The following SEPHS1 variants were observed in gnomAD, a reference collection of about 807,000 sequenced individuals.
SEPHS1 encodes the protein zincore component SEPHS1.
A neutral mutation model predicts 39.2 loss-of-function variants in SEPHS1; 7 were observed. The ratio of observed to expected loss-of-function variants is 0.18; its 90% CI spans 0.10 to 0.34. SEPHS1 has a LOEUF of 0.34. SEPHS1 is among the 10% of genes least tolerant of loss of function. SEPHS1 has a pLI of 1.00. For synonymous variants in SEPHS1, 190 were observed against 195.5 expected (o/e 0.97, Z 0.23); for missense variants, 253 against 514.5 (o/e 0.49, Z 4.92).
At position 13,334,700 on chromosome 10, in the gene SEPHS1, G is replaced by A. The variant is rs541608385; in HGVS notation, c.406-729C>T. ...TGCACTCCAACCTGGGCAACACAGG[G>A]AGATCTTGTCTCAAAAACAAACAAA... On this transcript the variant is annotated intron_variant, in intron 4 of 8. Coordinates refer to ENST00000327347, the MANE Select transcript of SEPHS1 (RefSeq NM_012247.5). Among the ~76,000 whole-genome samples, 17 of 152,306 alleles carry A rather than the reference G, an allele frequency of 1.1e-4. No individual in the cohort carries two copies. The South Asian group carries it at 1.2e-3, about 11-fold the overall frequency.
At chr10:13,322,763 G>A in intron 8 of SEPHS1, 72 bp downstream of exon 8, 1 of 1,432,976 alleles carries the variant, frequency 7.0e-7, no homozygotes, top group Non-Finnish European at 9.6e-7. Flanking sequence ...CTCGGGGTGG[G>A]GCTGCTGCTT....
Position 13,348,186 on chromosome 10 carries a change from C to T in SEPHS1, c.-265G>A, listed in dbSNP as rs1833996979. ...GGGGGCTCGCCTGCCTCGGCGCGGC[C>T]CTGCGGGAGCCGGGCCGCCGCGCTC... On this transcript the variant is annotated 5_prime_UTR_variant, in exon 1 of 9. Transcript: ENST00000327347. 1 of 144,662 alleles carries T rather than the reference C, an allele frequency of 6.9e-6. No individual in the cohort carries two copies. Among genetic ancestry groups the T allele is most frequent in the African/African-American group, 2.5e-5 (1 of 40,338 alleles). 9.0% of individuals were successfully genotyped at this position (144,662 alleles called of 1,614,324 possible).
At chr10:13,334,895 A>G (rs566649446) in intron 4 of SEPHS1, among the ~76,000 whole-genome samples, 1 of 152,274 alleles carries the variant, frequency 6.6e-6, no homozygotes, top group East Asian at 1.9e-4. Flanking sequence ...GCTCCTTGAG[A>G]ATCTCAAGAC....
At chr10:13,320,859 G>A (rs1833090147) in intron 8 of SEPHS1, among the ~76,000 whole-genome samples, 1 of 152,108 alleles carries the variant, frequency 6.6e-6, no homozygotes, top group Admixed American at 6.6e-5. Context: ...TCTGAAGAAA[G>A]GAAACAAATT....
intron 8 of SEPHS1, among the ~76,000 whole-genome samples, chr10:13,320,370 AC>A (rs1833071419): frequency 6.6e-6 from 1 of 151,808 alleles, no homozygotes; most frequent in Non-Finnish European, 1.5e-5. Flanking sequence ...TTTAGTAGAG[AC>A]AGGGTTTCAC....
chr10:13,340,243 TGAA>T, intron 2 of SEPHS1, among the ~76,000 whole-genome samples: 1 of 152,044 alleles, frequency 6.6e-6, no homozygotes, highest in Non-Finnish European at 1.5e-5. Context: ...CCATAGTCTG[TGAA>T]GACAGGCTGA....
intron 7 of SEPHS1, among the ~76,000 whole-genome samples, chr10:13,326,392 T>C (rs755794353): frequency 7.3e-5 from 11 of 151,486 alleles, no homozygotes; most frequent in Non-Finnish European, 1.5e-4. Context: ...AAGAATCACT[T>C]GAAGTCGGAA....
At position 13,338,753 on chromosome 10, in the gene SEPHS1, A is replaced by T; in HGVS notation, c.249T>A (p.Val83=). The change falls in exon 3 of 9, where the codon GTT becomes GTA. Residue 83 remains valine, a synonymous_variant. Transcript: ENST00000327347. ...TCGGGTAAATGTAATCTGTGGTTTG[A>T]ACCAAGGAAAGCCCACCGTGCCTCA... ...IPLRHGGLSL[V]QTTDYIYPIV... 1 of 1,614,208 alleles carries T rather than the reference A, an allele frequency of 6.2e-7. No individual in the cohort carries two copies. The highest frequency in any genetic ancestry group is 8.5e-7 in the Non-Finnish European group (1 of 1,180,026).
intron 5 of SEPHS1, among the ~76,000 whole-genome samples, chr10:13,330,277 T>C (rs920766359): frequency 5.3e-4 from 80 of 152,106 alleles, no homozygotes; most frequent in African/African-American, 1.9e-3. Context: ...ATCACTGATA[T>C]GCTAGAGACT....
At chr10:13,329,166 G>C (rs944269569) in intron 6 of SEPHS1, among the ~76,000 whole-genome samples, 1 of 152,078 alleles carries the variant, frequency 6.6e-6, no homozygotes, top group Non-Finnish European at 1.5e-5. Context: ...TAGCTCACTG[G>C]AAAAATGACT....
chr10:13,325,514 A>T (rs1833239467), intron 7 of SEPHS1, among the ~76,000 whole-genome samples: 1 of 152,208 alleles, frequency 6.6e-6, no homozygotes, highest in Non-Finnish European at 1.5e-5. Flanking sequence ...TGCCTCATGA[A>T]GAACCTAGGT....
intron 5 of SEPHS1, 40 bp downstream of exon 5, chr10:13,333,777 G>C: frequency 6.2e-7 from 1 of 1,601,960 alleles, no homozygotes; most frequent in Non-Finnish European, 8.5e-7. Flanking sequence ...GACAGAGAGA[G>C]AAAAACAGGT....
chr10:13,320,524 T>C (rs1429980598), intron 8 of SEPHS1, among the ~76,000 whole-genome samples: 2 of 151,490 alleles, frequency 1.3e-5, no homozygotes, highest in African/African-American at 2.4e-5. Flanking sequence ...GAGGAAAAAC[T>C]GTAGTCTACT....
Position 13,338,939 on chromosome 10 carries a change from T to C in SEPHS1, c.194-131A>G, listed in dbSNP as rs1344520527. 4.2e-6 allele frequency: 3 copies of C among 705,914 alleles called. No individual in the cohort carries two copies. The Admixed American group carries it at 6.7e-5, about 16-fold the overall frequency. 43.7% of individuals were successfully genotyped at this position (705,914 alleles called of 1,614,324 possible). A position where few individuals can be genotyped will look rare whatever the true frequency, so the allele number is the denominator to read the frequency against. Reference sequence around the variant, plus strand: ...ACTGCAGGCTGCCAATGAAGCCATGTGTTTCCTATCAAGAAGCGTAACTGA... The same window carrying C: ...ACTGCAGGCTGCCAATGAAGCCATGCGTTTCCTATCAAGAAGCGTAACTGA... On this transcript the variant is annotated intron_variant, in intron 2 of 8. Transcript: ENST00000327347.
At chr10:13,329,376 A>C (rs1014281746) in intron 6 of SEPHS1, among the ~76,000 whole-genome samples, 2 of 152,178 alleles carry the variant, frequency 1.3e-5, no homozygotes, top group Admixed American at 1.3e-4. Flanking sequence ...ATTCTCCTTC[A>C]TATTATTTCT....
Position 13,346,857 on chromosome 10 carries a change from C to T in SEPHS1, c.-79+1143G>A, listed in dbSNP as rs1564456015. On this transcript the variant is annotated intron_variant, in intron 1 of 8. Coordinates refer to ENST00000327347, the MANE Select transcript of SEPHS1 (RefSeq NM_012247.5). ...TCACTTCCTTTTAAATTACTATCTT[C>T]TCAAGAGTTTTAAGGGTGGAAAAAA... Among the ~76,000 whole-genome samples, 4 of 152,262 alleles carry T rather than the reference C, an allele frequency of 2.6e-5. No individual in the cohort carries two copies. The South Asian group carries it at 8.3e-4, about 32-fold the overall frequency.
intron 7 of SEPHS1, among the ~76,000 whole-genome samples, chr10:13,325,813 G>A (rs764220140): frequency 2.8e-5 from 4 of 145,204 alleles, no homozygotes; most frequent in African/African-American, 5.0e-5. Context: ...CAGGAGAATC[G>A]CTTGAACCTG....
intron 5 of SEPHS1, among the ~76,000 whole-genome samples, chr10:13,331,084 G>A (rs368593870): frequency 9.2e-5 from 14 of 152,122 alleles, no homozygotes; most frequent in Non-Finnish European, 1.8e-4. Flanking sequence ...AACATGCGGC[G>A]TTTGGTTTTC....
chr10:13,345,387 T>A (rs541448736), intron 1 of SEPHS1: 1 of 156,332 alleles, frequency 6.4e-6, no homozygotes, highest in Admixed American at 6.5e-5. Context: ...CTGGAAGCAC[T>A]GTGGTTCAGA....
Sources: allele counts gnomAD v4.1 joint callset (sites outside exome capture counted in the v4.1 genomes callset), GRCh38; gene constraint gnomAD v4.1.1; transcripts MANE v1.5; gene names NCBI Gene and HGNC (gene_info 2026-07-23, HGNC 2026-07-21).